The following RPE65 variants were observed in gnomAD, a reference collection of about 807,000 sequenced individuals.
RPE65 encodes retinoid isomerohydrolase.
Under a neutral mutation model 68.5 loss-of-function variants are expected in RPE65, and 58 were observed. The observed-to-expected ratio is 0.85, with a 90% CI of 0.69 to 1.05. RPE65 has a LOEUF of 1.05. Among genes scored for constraint, RPE65 ranks in the 50% least tolerant of loss-of-function variants. The pLI, the probability that RPE65 is intolerant of heterozygous loss-of-function variation, is 0.00. For synonymous variants in RPE65, 220 were observed against 222.2 expected (o/e 0.99, Z 0.09); for missense variants, 643 against 629.9 (o/e 1.02, Z -0.22).
In RPE65 at chr1:68,429,614, G is replaced by C; in HGVS notation, c.*162C>G. The C allele has an allele frequency of 1.4e-6, 1 of 726,832 alleles. No homozygotes were observed. The highest frequency in any genetic ancestry group is 2.3e-6 in the Non-Finnish European group (1 of 437,120). 45.0% of individuals were successfully genotyped at this position (726,832 alleles called of 1,614,324 possible). A position where few individuals can be genotyped will look rare whatever the true frequency, so the allele number is the denominator to read the frequency against. ...ACTTTTTTTTTTAAATAAAGGAATT[G>C]CTTGCTCAACTCAGTGCTTTCTGTA... On this transcript the variant is annotated 3_prime_UTR_variant, in exon 14 of 14. Transcript: ENST00000262340.
chr1:68,449,869 T>A, intron 1 of RPE65, 26 bp downstream of exon 1: 1 of 1,613,648 alleles, frequency 6.2e-7, no homozygotes, highest in Non-Finnish European at 8.5e-7. Context: ...GAAGGTGTTT[T>A]AAAAAAGTCT....
chr1:68,432,955 G>A (rs1053311775), intron 10 of RPE65, among the ~76,000 whole-genome samples: 1 of 152,178 alleles, frequency 6.6e-6, no homozygotes, highest in African/African-American at 2.4e-5. Flanking sequence ...GAAGAGGCAT[G>A]AAAGTAAGAG....
In RPE65 at chr1:68,440,879, A is replaced by G. The variant is rs768445391; in HGVS notation, c.617T>C (p.Ile206Thr). 13 of 1,613,918 alleles carry G rather than the reference A, an allele frequency of 8.1e-6. No individual in the cohort carries two copies. Among genetic ancestry groups the G allele is most frequent in the African/African-American group, 2.7e-5 (2 of 74,930 alleles). ...TGCTTGCAGTGGTGGGATCTTTACA[A>G]TGTTGTAGGCAATTGAAAAATTTTT... ...FGKNFSIAYN[I>T]VKIPPLQADK... The change falls in exon 6 of 14, where the codon ATT becomes ACT. Residue 206 changes from isoleucine to threonine, a missense_variant. Ile to Thr is a moderately conservative substitution (Grantham distance 89). Transcript: ENST00000262340.
Position 68,448,682 on chromosome 1 carries a change from G to C in RPE65, c.36C>G (p.Tyr12Ter), listed in dbSNP as rs1233702775. The C allele has an allele frequency of 6.2e-7, 1 of 1,613,692 alleles. No homozygotes were observed. Among genetic ancestry groups the C allele is most frequent in the African/African-American group, 1.3e-5 (1 of 74,854 alleles). Residue 12 changes from tyrosine to a stop codon, truncating the protein, a stop_gained, in exon 2 of 14, where the codon TAC becomes TAG. Coordinates refer to ENST00000262340, the MANE Select transcript of RPE65 (RefSeq NM_000329.3). LOFTEE classifies it high-confidence loss of function. ...CCTCCACAGTTTCAAACAGTTTCTT[G>C]TAACCACCAGCAGGATGCTCAACCC... is the stretch of plus-strand genomic sequence containing the variant. The part of the protein sequence containing the change: ...SIQVEHPAGG[Y>*]KKLFETVEEL...
intron 10 of RPE65, among the ~76,000 whole-genome samples, chr1:68,434,141 T>C (rs533761675): frequency 5.6e-4 from 83 of 148,660 alleles, no homozygotes; most frequent in African/African-American, 1.9e-3. Flanking sequence ...CACACACACA[T>C]ATACATCACT....
chr1:68,445,299 G>A (rs904335485), intron 3 of RPE65, among the ~76,000 whole-genome samples: 21 of 152,162 alleles, frequency 1.4e-4, no homozygotes, highest in African/African-American at 4.6e-4. Context: ...TCCGGACATG[G>A]TGTGCTGAAT....
chr1:68,432,325 T>C (rs1557596693), intron 10 of RPE65, among the ~76,000 whole-genome samples: 2 of 152,094 alleles, frequency 1.3e-5, no homozygotes, highest in African/African-American at 4.8e-5. Flanking sequence ...TAATAAATTT[T>C]ATAATATACC....
intron 5 of RPE65, among the ~76,000 whole-genome samples, chr1:68,444,163 T>A (rs1192342671): frequency 6.6e-6 from 1 of 151,992 alleles, no homozygotes; most frequent in Non-Finnish European, 1.5e-5. Context: ...TTGATAAGTA[T>A]TTGTGTCATG....
intron 6 of RPE65, 124 bp from the exon 7 acceptor site, chr1:68,439,766 A>G: frequency 1.3e-6 from 1 of 756,282 alleles, no homozygotes; most frequent in Non-Finnish European, 2.2e-6. Flanking sequence ...GGTTATTTTC[A>G]TTTTCTCCAT....
Position 68,438,215 on chromosome 1 carries a change from C to G in RPE65, c.1100G>C (p.Arg367Thr), listed in dbSNP as rs1342662704. 1 of 1,613,880 alleles carries G rather than the reference C, an allele frequency of 6.2e-7. No homozygotes were observed. Among genetic ancestry groups the G allele is most frequent in the Non-Finnish European group, 8.5e-7 (1 of 1,179,950 alleles). Residue 367 changes from arginine to threonine, a missense_variant, in exon 10 of 14, where the codon AGA becomes ACA. Physicochemically the swap from Arg to Thr is moderately conservative, Grantham distance 71. Transcript: ENST00000262340. Reference sequence around the variant, plus strand: ...GTCAATATTCAAAGGAAGTACATATCTCCTAACTTCAGGTTGGGGAGCCTT... The same window carrying G: ...GTCAATATTCAAAGGAAGTACATATGTCCTAACTTCAGGTTGGGGAGCCTT... Reference protein sequence around the residue: ...ARKAPQPEVRRYVLPLNIDKA... With the variant: ...ARKAPQPEVRTYVLPLNIDKA...
In RPE65 at chr1:68,438,245, G is replaced by T. The variant is rs187198628; in HGVS notation, c.1070C>A (p.Ala357Asp). ...RENWEEVKKN[A>D]RKAPQPEVRR... ...AACTTCAGGTTGGGGAGCCTTTCTG[G>T]CATTTTTTTTCACCTCTTCCCAGTT... Residue 357 changes from alanine to aspartate, a missense_variant, in exon 10 of 14, where the codon GCC (alanine) becomes GAC (aspartate). Coordinates refer to ENST00000262340, the MANE Select transcript of RPE65 (RefSeq NM_000329.3). 94 of 1,613,790 alleles carry T rather than the reference G, an allele frequency of 5.8e-5. No homozygotes were observed. Among genetic ancestry groups the T allele is most frequent in the Non-Finnish European group, 1.0e-5 (12 of 1,179,876 alleles).
At chr1:68,438,341 G>T in intron 9 of RPE65, 25 bp from the exon 10 acceptor site, 1 of 1,609,378 alleles carries the variant, frequency 6.2e-7, no homozygotes, top group South Asian at 1.1e-5. Flanking sequence ...AGTCAAACAT[G>T]AGCACAGGCA....
chr1:68,441,091 ACT>A, intron 5 of RPE65, 91 bp from the exon 6 acceptor site: 1 of 1,438,758 alleles, frequency 7.0e-7, no homozygotes, highest in African/African-American at 1.4e-5. Flanking sequence ...TACCCCTTGA[ACT>A]CTCATCCTAA....
chr1:68,438,268 G>T lies in RPE65; in HGVS notation c.1047C>A (p.Asn349Lys). 1 of 1,613,654 alleles carries T rather than the reference G, an allele frequency of 6.2e-7. No individual in the cohort carries two copies. The change falls in exon 10 of 14, where the codon AAC (asparagine) becomes AAA (lysine). Residue 349 changes from asparagine (N) to lysine (K), a missense_variant. Asn to Lys is a moderately conservative substitution (Grantham distance 94, BLOSUM62 0). Coordinates refer to ENST00000262340, the MANE Select transcript of RPE65 (RefSeq NM_000329.3). ...NYLYLANLRE[N>K]WEEVKKNARK... ...TGGCATTTTTTTTCACCTCTTCCCA[G>T]TTCTCACGTAAATTGGCTAAATATA... is the stretch of plus-strand genomic sequence containing the variant.
intron 5 of RPE65, among the ~76,000 whole-genome samples, chr1:68,444,232 T>C (rs1459690401): frequency 6.6e-6 from 1 of 152,206 alleles, no homozygotes. Context: ...CATGTAAGTG[T>C]TTAAAATTTT....
intron 5 of RPE65, 97 bp downstream of exon 5, chr1:68,444,434 G>A: frequency 2.7e-6 from 4 of 1,485,908 alleles, no homozygotes; most frequent in Non-Finnish European, 3.8e-6. Flanking sequence ...TCCTCATCAA[G>A]TTAGAATCAT....
intron 10 of RPE65, among the ~76,000 whole-genome samples, chr1:68,434,469 T>C (rs1007619303): frequency 3.4e-4 from 51 of 151,870 alleles, no homozygotes; most frequent in African/African-American, 1.2e-3. Context: ...ATTTTCAGAA[T>C]AGGGAAAGGA....
intron 1 of RPE65, 83 bp from the exon 2 acceptor site, chr1:68,448,789 G>A (rs900986652): frequency 2.9e-6 from 3 of 1,036,190 alleles, no homozygotes; most frequent in Admixed American, 2.2e-5. Flanking sequence ...AGGAGAGAAG[G>A]CACTCTAGGG....
rs148361356 is a variant in RPE65, at chr1:68,439,613, T to C, written c.673A>G (p.Ile225Val). 6.2e-7 allele frequency: 1 copy of C among 1,613,834 alleles called. No individual in the cohort carries two copies. The highest frequency in any genetic ancestry group is 8.5e-7 in the Non-Finnish European group (1 of 1,179,828). The change falls in exon 7 of 14, where the codon ATC (isoleucine) becomes GTC (valine). Residue 225 changes from isoleucine to valine, a missense_variant. Physicochemically the swap from Ile to Val is conservative, Grantham distance 29 (BLOSUM62 3). Transcript: ENST00000262340. ...TCACTGCAGGGGAATTGTACAACGA[T>C]CTCTGACTTGCTTATTGGATCTTCC... ...DKEDPISKSE[I>V]VVQFPCSDRF...
Sources: gnomAD v4.1 joint callset for allele counts (sites outside exome capture counted in the v4.1 genomes callset) on GRCh38, gnomAD v4.1.1 for gene constraint, MANE v1.5 for transcripts, NCBI Gene and HGNC (gene_info 2026-07-23, HGNC 2026-07-21) for gene names.